Variants in NDUFAF6 observed in about 807,000 individuals in gnomAD.
NDUFAF6 encodes NADH dehydrogenase (ubiquinone) complex I, assembly factor 6.
A neutral mutation model predicts 40.8 loss-of-function variants in NDUFAF6; 45 were observed. The observed-to-expected ratio is 1.10, with a 90% CI of 0.87 to 1.42. The LOEUF (loss-of-function observed/expected upper bound fraction) is 1.42. Among genes scored for constraint, NDUFAF6 ranks in the 40% most tolerant of loss-of-function variants. The pLI, the probability that NDUFAF6 is intolerant of heterozygous loss-of-function variation, is 0.00. For synonymous variants in NDUFAF6, 185 were observed against 155.9 expected (o/e 1.19, Z -1.39); for missense variants, 435 against 418.5 (o/e 1.04, Z -0.34).
intron 2 of NDUFAF6, among the ~76,000 whole-genome samples, chr8:94,948,146 G>C (rs1822179522): frequency 6.6e-6 from 1 of 152,130 alleles, no homozygotes; most frequent in African/African-American, 2.4e-5. Flanking sequence ...CTCTGTATTG[G>C]AATTAACCTA....
At chr8:95,087,100 A>C (rs974758032) in intron 2 of NDUFAF6, among the ~76,000 whole-genome samples, 7 of 152,020 alleles carry the variant, frequency 4.6e-5, no homozygotes, top group Non-Finnish European at 8.8e-5. Context: ...TGCATGGTGC[A>C]TATTTTTGGT....
intron 2 of NDUFAF6, among the ~76,000 whole-genome samples, chr8:95,016,812 G>T (rs570273771): frequency 6.6e-6 from 1 of 152,246 alleles, no homozygotes; most frequent in East Asian, 1.9e-4. Context: ...AGTCCCAACA[G>T]GAGACAGAAG....
upstream of NDUFAF6, among the ~76,000 whole-genome samples, chr8:95,021,629 T>C (rs912701586): frequency 1.3e-5 from 2 of 152,230 alleles, no homozygotes; most frequent in Non-Finnish European, 2.9e-5. Flanking sequence ...ACTCAGTATG[T>C]GTCCTTTTGG....
downstream of NDUFAF6, among the ~76,000 whole-genome samples, chr8:95,059,865 G>T (rs1200814813): frequency 6.6e-6 from 1 of 151,684 alleles, no homozygotes; most frequent in Non-Finnish European, 1.5e-5. Context: ...AAAGAAAAAA[G>T]AAAAAATACA....
At chr8:95,052,506 T>C (rs1460328574) in intron 8 of NDUFAF6, among the ~76,000 whole-genome samples, 1 of 152,190 alleles carries the variant, frequency 6.6e-6, no homozygotes, top group African/African-American at 2.4e-5. Context: ...GGACCTTAAA[T>C]TCCTTAAGAA....
chr8:95,077,207 C>A (rs1250500540), downstream of NDUFAF6, among the ~76,000 whole-genome samples: 2 of 152,172 alleles, frequency 1.3e-5, no homozygotes. Context: ...GACTACCCAG[C>A]CTGTGGCATG....
At chr8:95,075,961 G>A in exon 10 of NDUFAF6, 1 of 299,778 alleles carries the variant, frequency 3.3e-6, no homozygotes, top group South Asian at 3.0e-5. Flanking sequence ...CTCCCAGAAG[G>A]CTGGTGGGGT....
rs143941646 is a variant in NDUFAF6 at position 94,938,967 on chromosome 8, C to T, written c.-935-6516C>T. On this transcript the variant is annotated intron_variant, in intron 1 of 14. Transcript: ENST00000396113. ...GCCTTTAACCTATGGGATCTGATGCCATCTCGAGGTAGACAGTGTCAGAAT... is the reference window on the plus strand; with the variant it reads ...GCCTTTAACCTATGGGATCTGATGCTATCTCGAGGTAGACAGTGTCAGAAT... Among the ~76,000 whole-genome samples, 10 of 152,230 alleles carry T rather than the reference C, an allele frequency of 6.6e-5. 1 individual carries two copies. The South Asian group carries it at 1.5e-3, about 22-fold the overall frequency.
At chr8:95,003,845 A>G (rs1161973177) in intron 2 of NDUFAF6, among the ~76,000 whole-genome samples, 3 of 152,166 alleles carry the variant, frequency 2.0e-5, no homozygotes, top group Non-Finnish European at 2.9e-5. Context: ...TAAGTGTGCA[A>G]TTCACTGGCA....
chr8:95,025,175 G>T lies in NDUFAF6; in HGVS notation c.167G>T (p.Gly56Val), dbSNP rs1472073642. 6.8e-7 allele frequency: 1 copy of T among 1,477,674 alleles called. No individual in the cohort carries two copies. The highest frequency in any genetic ancestry group is 1.5e-5 in the African/African-American group (1 of 68,244). 91.5% of individuals were successfully genotyped at this position (1,477,674 alleles called of 1,614,324 possible). The change falls in exon 1 of 9, where the codon GGC becomes GTC. Residue 56 changes from glycine to valine, a missense_variant. By Grantham distance (109) the Gly-to-Val change is moderately radical. Transcript: ENST00000396124. ...GCGGCCAGCGGACCGGGCGCCTGGG[G>T]CACTGACCACTACTGCCTGGAGCTG... ...VAAASGPGAW[G>V]TDHYCLELLR...
At chr8:94,922,672 T>C (rs1819585798) in intron 1 of NDUFAF6, among the ~76,000 whole-genome samples, 2 of 151,786 alleles carry the variant, frequency 1.3e-5, no homozygotes, top group Admixed American at 6.6e-5. Flanking sequence ...AGAGATGAGC[T>C]TTCACCACAT....
At chr8:94,985,525 T>A (rs1825827548) in intron 2 of NDUFAF6, among the ~76,000 whole-genome samples, 8 of 49,722 alleles carry the variant, frequency 1.6e-4, no homozygotes, top group Non-Finnish European at 2.7e-4. Context: ...ATTTTTTTTT[T>A]TTTTTTTTTT....
At chr8:94,931,050 C>G (rs1210580108) in intron 1 of NDUFAF6, among the ~76,000 whole-genome samples, 1 of 152,164 alleles carries the variant, frequency 6.6e-6, no homozygotes, top group East Asian at 1.9e-4. Flanking sequence ...GGGAGGGGAG[C>G]TAACATTTAT....
intron 1 of NDUFAF6, chr8:94,940,818 A>T (rs762145093): frequency 6.3e-7 from 1 of 1,595,666 alleles, no homozygotes; most frequent in Non-Finnish European, 8.6e-7. Context: ...CAAGTAACCA[A>T]GTGTACCTTA....
chr8:94,932,020 G>A, intron 1 of NDUFAF6: 2 of 1,556,052 alleles, frequency 1.3e-6, no homozygotes, highest in East Asian at 2.3e-5. Flanking sequence ...TGGGTCCTTT[G>A]CCTCCCTATG....
intron 6 of NDUFAF6, 132 bp from the exon 7 acceptor site, chr8:95,048,325 G>A (rs1563830257): frequency 5.6e-6 from 4 of 716,222 alleles, no homozygotes; most frequent in Non-Finnish European, 1.0e-5. Context: ...GCATTAAACT[G>A]TACATACTGT....
Position 95,058,427 on chromosome 8 carries a change from G to A in NDUFAF6, c.*490G>A. ...AATATTTGAGGAATATCAGTCACGT[G>A]TTGTGGGCTTTTATCCTTAACGTTT... On this transcript the variant is annotated 3_prime_UTR_variant, in exon 9 of 9. Coordinates refer to ENST00000396124, the MANE Select transcript of NDUFAF6 (RefSeq NM_152416.4). 8.1e-7 allele frequency: 1 copy of A among 1,232,178 alleles called. No individual in the cohort carries two copies. Among genetic ancestry groups the A allele is most frequent in the Non-Finnish European group, 1.0e-6 (1 of 988,318 alleles). 76.3% of individuals were successfully genotyped at this position (1,232,178 alleles called of 1,614,324 possible).
intron 2 of NDUFAF6, among the ~76,000 whole-genome samples, chr8:95,003,016 A>G (rs1563782628): frequency 6.6e-6 from 1 of 152,262 alleles, no homozygotes; most frequent in African/African-American, 2.4e-5. Context: ...ACCCAAAGAA[A>G]GAGAGATCTT....
At chr8:94,997,952 T>C (rs190457084) in intron 2 of NDUFAF6, among the ~76,000 whole-genome samples, 38 of 152,282 alleles carry the variant, frequency 2.5e-4, no homozygotes, top group Admixed American at 2.4e-3. Context: ...AAGATTGAGG[T>C]TTTCTTATTT....
Sources: allele counts gnomAD v4.1 joint callset (sites outside exome capture counted in the v4.1 genomes callset), GRCh38; gene constraint gnomAD v4.1.1; transcripts MANE v1.5; gene names NCBI Gene and HGNC (gene_info 2026-07-23, HGNC 2026-07-21).